FMN2: variants seen among roughly 807,000 people sequenced by gnomAD.
FMN2 encodes formin-2.
In FMN2, 51 loss-of-function variants were observed where a neutral mutation model predicts 142.3. The observed-to-expected ratio is 0.36, with a 90% confidence interval of 0.29 to 0.45. The LOEUF is 0.45. FMN2 is among the 20% of genes least tolerant of loss of function. FMN2 has a pLI of 1.00. For synonymous variants in FMN2, 882 were observed against 869.8 expected (o/e 1.01, Z -0.25); for missense variants, 1,936 against 2,122.8 (o/e 0.91, Z 1.73).
chr1:240,352,455 G>T (rs866007947), intron 13 of FMN2, among the ~76,000 whole-genome samples: 1 of 152,094 alleles, frequency 6.6e-6, no homozygotes, highest in South Asian at 2.1e-4. Context: ...GGTGGCAGGC[G>T]CCTGTAATCC....
chr1:240,173,630 C>A (rs901729513), intron 2 of FMN2, among the ~76,000 whole-genome samples: 1 of 152,086 alleles, frequency 6.6e-6, no homozygotes, highest in Non-Finnish European at 1.5e-5. Context: ...AATATAGGAA[C>A]GTTGAAATGA....
chr1:240,163,647 CTT>C (rs1356423705), intron 2 of FMN2, among the ~76,000 whole-genome samples: 7 of 151,980 alleles, frequency 4.6e-5, no homozygotes, highest in Middle Eastern at 3.4e-3. Context: ...TCTTGACAGT[CTT>C]TTGTTTTTTA....
intron 2 of FMN2, among the ~76,000 whole-genome samples, chr1:240,140,026 T>C (rs1372357369): frequency 1.3e-5 from 2 of 152,100 alleles, no homozygotes; most frequent in Non-Finnish European, 1.5e-5. Flanking sequence ...TGGTTTCAGT[T>C]GGTAAGCTGC....
rs77669798 is a variant in FMN2, at chr1:240,328,286, TTAAA to T, written c.4216-783_4216-780del. ...AATCAATAAACAATGATTTCCATAG[TTAAA>T]TAAATACTTTTTTTCTTTAAAAATG... On this transcript the variant is annotated intron_variant, in intron 8 of 17. Transcript: ENST00000319653. Among the ~76,000 whole-genome samples, 319 of 151,866 alleles carry T rather than the reference TTAAA, an allele frequency of 2.1e-3. 1 individual carries two copies. Among genetic ancestry groups the T allele is most frequent in the Non-Finnish European group, 3.2e-3 (216 of 67,922 alleles).
intron 6 of FMN2, among the ~76,000 whole-genome samples, chr1:240,253,835 A>G (rs2102889888): frequency 6.6e-6 from 1 of 152,178 alleles, no homozygotes; most frequent in Non-Finnish European, 1.5e-5. Context: ...ACAGCAGTGT[A>G]GTCTCTGTAT....
At chr1:240,410,528 T>G (rs1446988974) in intron 15 of FMN2, among the ~76,000 whole-genome samples, 2 of 152,178 alleles carry the variant, frequency 1.3e-5, no homozygotes, top group African/African-American at 2.4e-5. Flanking sequence ...TTCTAGATTT[T>G]TTTCCTCAGA....
At chr1:240,362,277 T>C (rs1458229593) in intron 14 of FMN2, among the ~76,000 whole-genome samples, 1 of 152,170 alleles carries the variant, frequency 6.6e-6, no homozygotes, top group African/African-American at 2.4e-5. Flanking sequence ...ATATGTGACA[T>C]AGGATTTTTC....
Position 240,334,236 on chromosome 1 carries a change from T to A in FMN2, c.4765+7T>A, listed in dbSNP as rs1374599855. 2.5e-6 allele frequency: 4 copies of A among 1,587,968 alleles called. No individual in the cohort carries two copies. The highest frequency in any genetic ancestry group is 3.4e-6 in the Non-Finnish European group (4 of 1,173,078). ...CTGAAGAAAGACTTGAAAGGTAACT[T>A]AAAATCCTGAACTCATGTTTTCTGT... is the stretch of plus-strand genomic sequence containing the variant. On this transcript the variant is annotated splice_region_variant and intron_variant, in intron 13 of 17. Transcript: ENST00000319653.
At chr1:240,195,346 T>C (rs1442970312) in intron 4 of FMN2, among the ~76,000 whole-genome samples, 1 of 152,234 alleles carries the variant, frequency 6.6e-6, no homozygotes, top group Non-Finnish European at 1.5e-5. Flanking sequence ...TTTGTGCTTT[T>C]TCTTGTTGGT....
At chr1:240,366,432 C>T (rs565345150) in intron 14 of FMN2, among the ~76,000 whole-genome samples, 22 of 152,148 alleles carry the variant, frequency 1.4e-4, no homozygotes, top group South Asian at 4.2e-4. Flanking sequence ...CTCCACTGAA[C>T]GTGGTTTTTG....
rs1466880524 is a variant in FMN2 at position 240,093,536 on chromosome 1, C to G, written c.1427C>G (p.Ala476Gly). 37 of 1,570,418 alleles carry G rather than the reference C, an allele frequency of 2.4e-5. No individual in the cohort carries two copies. The highest frequency in any genetic ancestry group is 3.1e-5 in the Non-Finnish European group (36 of 1,161,974). Reference sequence around the variant, plus strand: ...AAGCACCGGGCCGACGGCGGCCTTGCGGCCGGCCTGAGCCGCTCGGCTGAC... The same window carrying G: ...AAGCACCGGGCCGACGGCGGCCTTGGGGCCGGCCTGAGCCGCTCGGCTGAC... The part of the protein sequence containing the change: ...AKKHRADGGL[A>G]AGLSRSADWT... Residue 476 changes from alanine to glycine, a missense_variant, in exon 1 of 18, where the codon GCG becomes GGG. Coordinates refer to ENST00000319653, the MANE Select transcript of FMN2 (RefSeq NM_020066.5).
intron 8 of FMN2, among the ~76,000 whole-genome samples, chr1:240,313,689 C>T (rs752828531): frequency 6.6e-6 from 1 of 151,948 alleles, no homozygotes; most frequent in Non-Finnish European, 1.5e-5. Flanking sequence ...GTATACTGCC[C>T]GGGCACGGTG....
intron 16 of FMN2, chr1:240,458,914 G>A (rs545249573): frequency 6.6e-6 from 1 of 152,236 alleles, no homozygotes; most frequent in South Asian, 2.1e-4. Context: ...TAGGACCAAA[G>A]GGCGTATCAA....
intron 4 of FMN2, among the ~76,000 whole-genome samples, chr1:240,205,230 A>G (rs986025082): frequency 6.6e-5 from 10 of 152,036 alleles, no homozygotes; most frequent in African/African-American, 1.9e-4. Context: ...TTCTCAACAC[A>G]AGAAGTCTCT....
At chr1:240,337,348 C>T (rs1671601280) in intron 13 of FMN2, among the ~76,000 whole-genome samples, 1 of 151,796 alleles carries the variant, frequency 6.6e-6, no homozygotes, top group South Asian at 2.1e-4. Context: ...TCCTGAGTAG[C>T]TGGGATTACA....
chr1:240,171,343 G>A, intron 2 of FMN2: 2 of 627,806 alleles, frequency 3.2e-6, no homozygotes, highest in African/African-American at 1.8e-5. Context: ...GATGGGAGCA[G>A]CCTAACAGGC....
At chr1:240,332,532 C>A (rs945210134) in intron 11 of FMN2, among the ~76,000 whole-genome samples, 2 of 151,974 alleles carry the variant, frequency 1.3e-5, no homozygotes. Context: ...TTCTAGTGAT[C>A]ATATATAAAT....
Position 240,379,815 on chromosome 1 carries a change from G to A in FMN2, c.4859-12696G>A, listed in dbSNP as rs921215647. 2.0e-5 allele frequency among the ~76,000 whole-genome samples: 3 copies of A among 152,148 alleles called. No individual in the cohort carries two copies. In the South Asian group the frequency reaches 6.2e-4, roughly 32 times the overall value. On this transcript the variant is annotated intron_variant, in intron 14 of 17. Coordinates refer to ENST00000319653, the MANE Select transcript of FMN2 (RefSeq NM_020066.5). ...AAAGGATCAACAAAACAAAACGTTGGTTTCTTGAAATGATAAACAAAATAG... is the reference window on the plus strand; with the variant it reads ...AAAGGATCAACAAAACAAAACGTTGATTTCTTGAAATGATAAACAAAATAG...
rs183135486 is a variant in FMN2 at position 240,308,419 on chromosome 1, G to A, written c.4215+13536G>A. On this transcript the variant is annotated intron_variant, in intron 8 of 17. Coordinates refer to ENST00000319653, the MANE Select transcript of FMN2 (RefSeq NM_020066.5). ...TCATGTTTCAAAGCTTGTCCAACTC[G>A]CTTTATTTTGTTGTTGTCATTCTGT... Among the ~76,000 whole-genome samples the A allele has an allele frequency of 3.7e-4, 56 of 152,246 alleles. No individual in the cohort carries two copies. In the East Asian group the frequency reaches 7.7e-3, roughly 21 times the overall value.
Sources: gnomAD v4.1 joint callset for allele counts (sites outside exome capture counted in the v4.1 genomes callset) on GRCh38, gnomAD v4.1.1 for gene constraint, MANE v1.5 for transcripts, NCBI Gene and HGNC (gene_info 2026-07-23, HGNC 2026-07-21) for gene names.